DRG2: variants seen among roughly 807,000 people sequenced by gnomAD.
DRG2 encodes the protein developmentally regulated GTP binding protein 2, also known as developmentally-regulated GTP-binding protein 2.
In DRG2, 36 loss-of-function variants were observed where a neutral mutation model predicts 53.4. That is an observed-to-expected ratio of 0.67 (90% CI 0.52 to 0.89). DRG2 has a LOEUF of 0.89. Among genes scored for constraint, DRG2 ranks in the 40% least tolerant of loss-of-function variants. The probability of loss-of-function intolerance (pLI) is 0.00; values close to 1 mark genes in which losing one functional copy is unlikely to be tolerated. For synonymous variants in DRG2, 167 were observed against 192.1 expected, an observed-to-expected ratio of 0.87 and a Z score of 1.08; for missense variants, 342 against 481.2, an observed-to-expected ratio of 0.71 and a Z score of 2.71.
chr17:18,100,227 G>A lies in DRG2; in HGVS notation c.468-136G>A. 2 of 873,554 alleles carry A rather than the reference G, an allele frequency of 2.3e-6. No individual in the cohort carries two copies. The highest frequency in any genetic ancestry group is 3.8e-6 in the Non-Finnish European group (2 of 527,158). 54.1% of individuals were successfully genotyped at this position (873,554 alleles called of 1,614,324 possible). A position where few individuals can be genotyped will look rare whatever the true frequency, so the allele number is the denominator to read the frequency against. The stretch of plus-strand genomic sequence containing the variant: ...CAGCTCTAGGGCATTGGGAAGGAGT[G>A]TTCTCTGGGTTGCTGGGGAAGGGGG... On this transcript the variant is annotated intron_variant, in intron 5 of 12. Coordinates refer to ENST00000225729, the MANE Select transcript of DRG2 (RefSeq NM_001388.5). The surrounding 1 kb of genome is among the most constrained non-coding windows in gnomAD (Gnocchi z 4.1).
rs956028077 is a variant in DRG2, at chr17:18,107,873, T to G, written c.*633T>G. The G allele has an allele frequency of 6.6e-6, 1 of 152,606 alleles. No homozygotes were observed. The highest frequency in any genetic ancestry group is 2.4e-5 in the African/African-American group (1 of 41,484). 9.5% of individuals were successfully genotyped at this position (152,606 alleles called of 1,614,324 possible). On this transcript the variant is annotated 3_prime_UTR_variant, in exon 13 of 13. Coordinates refer to ENST00000225729, the MANE Select transcript of DRG2 (RefSeq NM_001388.5). ...GCACAAAACCCCAGGACCCTGGCTC[T>G]GCACGCCTGGGGCAGGGACTTTTGA... is the stretch of plus-strand genomic sequence containing the variant.
At position 18,099,597 on chromosome 17, in the gene DRG2, T is replaced by C. The variant is rs2142195684; in HGVS notation, c.377-36T>C. The C allele has an allele frequency of 6.3e-7, 1 of 1,575,308 alleles. No individual in the cohort carries two copies. The highest frequency in any genetic ancestry group is 2.3e-5 in the East Asian group (1 of 43,134). Reference sequence around the variant, plus strand: ...GTGGGCTGGGTAGCAGTCACATGGGTCCACATATGTAACTGCATCCCTCAC... The same window carrying C: ...GTGGGCTGGGTAGCAGTCACATGGGCCCACATATGTAACTGCATCCCTCAC... On this transcript the variant is annotated intron_variant, in intron 4 of 12. Coordinates refer to ENST00000225729, the MANE Select transcript of DRG2 (RefSeq NM_001388.5). The surrounding 1 kb of genome is among the most constrained non-coding windows in gnomAD (Gnocchi z 4.4).
At position 18,099,834 on chromosome 17, in the gene DRG2, G is replaced by A. The variant is rs1336826120; in HGVS notation, c.467+111G>A. 1 of 1,081,680 alleles carries A rather than the reference G, an allele frequency of 9.2e-7. No homozygotes were observed. The highest frequency in any genetic ancestry group is 1.4e-6 in the Non-Finnish European group (1 of 736,690). The allele number at this position is 1,081,680 out of a possible 1,614,324, so 67.0% of individuals were successfully genotyped here. A position where few individuals can be genotyped will look rare whatever the true frequency, so the allele number is the denominator to read the frequency against. On this transcript the variant is annotated intron_variant, in intron 5 of 12. Transcript: ENST00000225729. This position sits in a 1 kb window ranked among gnomAD's most constrained non-coding sequence, Gnocchi z 4.4. ...TTTGGCTCTCTCACACGTGAGAGTA[G>A]TGGTAGGACTTGTCACAGACTAAAC...
chr17:18,087,959 G>T lies in DRG2; in HGVS notation c.-65G>T, dbSNP rs546476425. On this transcript the variant is annotated 5_prime_UTR_variant, in exon 1 of 13. Transcript: ENST00000225729. ...TCCGGGCGCACGCTACTCTGTCGCC[G>T]CCGTCAGACCGGAATTGCCGGTGCC... 86 of 1,523,920 alleles carry T rather than the reference G, an allele frequency of 5.6e-5. No homozygotes were observed. The highest frequency in any genetic ancestry group is 6.5e-5 in the Non-Finnish European group (74 of 1,131,940). The allele number at this position is 1,523,920 out of a possible 1,614,324, so 94.4% of individuals were successfully genotyped here. A position where few individuals can be genotyped will look rare whatever the true frequency, so the allele number is the denominator to read the frequency against.
chr17:18,093,541 C>T (rs1335351803), intron 1 of DRG2, among the ~76,000 whole-genome samples: 1 of 152,192 alleles, frequency 6.6e-6, no homozygotes, highest in Non-Finnish European at 1.5e-5. Flanking sequence ...TGGTCTCGAA[C>T]TCCTGACCTC....
At chr17:18,105,698 C>G (rs1238106202) in intron 11 of DRG2, 1 of 152,410 alleles carries the variant, frequency 6.6e-6, no homozygotes, top group Non-Finnish European at 1.5e-5. Flanking sequence ...AGGAAGTGTT[C>G]CTGCAGGCCT....
rs2045510997 is a variant in DRG2, at chr17:18,100,424, A to G, written c.529A>G (p.Ile177Val). The G allele has an allele frequency of 6.2e-7, 1 of 1,614,198 alleles. No homozygotes were observed. The highest frequency in any genetic ancestry group is 8.5e-7 in the Non-Finnish European group (1 of 1,180,034). The change falls in exon 6 of 13, where the codon ATC becomes GTC. Residue 177 changes from isoleucine (I) to valine (V), a missense_variant. Coordinates refer to ENST00000225729, the MANE Select transcript of DRG2 (RefSeq NM_001388.5). The surrounding 1 kb of genome is among the most constrained non-coding windows in gnomAD (Gnocchi z 4.1). ...GIRLNKHKPN[I>V]YFKPKKGGGI... ...CCGCCTCAACAAGCACAAGCCTAAC[A>G]TCTACTTCAAGGTGAGGCACCTCTC...
rs2045504521 is a variant in DRG2, at chr17:18,100,162, A to G, written c.468-201A>G. On this transcript the variant is annotated intron_variant, in intron 5 of 12. Coordinates refer to ENST00000225729, the MANE Select transcript of DRG2 (RefSeq NM_001388.5). The surrounding 1 kb of genome is among the most constrained non-coding windows in gnomAD (Gnocchi z 4.1). ...GTGCATGCCGACCGTAAACCGGGCC[A>G]GTCCCCTCTGGGACTGTGGCAGAGT... The G allele has an allele frequency of 1.6e-6, 1 of 629,404 alleles. No homozygotes were observed. The highest frequency in any genetic ancestry group is 1.9e-5 in the South Asian group (1 of 51,888). 39.0% of individuals were successfully genotyped at this position (629,404 alleles called of 1,614,324 possible).
intron 1 of DRG2, 67 bp from the exon 2 acceptor site, chr17:18,093,746 G>T: frequency 1.9e-6 from 3 of 1,559,030 alleles, no homozygotes; most frequent in Non-Finnish European, 2.6e-6. Context: ...CGACATGTGG[G>T]CCCTGCCTGA....
intron 11 of DRG2, 126 bp from the exon 12 acceptor site, chr17:18,106,305 CTG>C (rs1439183631): frequency 3.0e-6 from 3 of 986,608 alleles, no homozygotes; most frequent in African/African-American, 1.6e-5. Flanking sequence ...AAGGCCCAGA[CTG>C]TGTGGGCACC....
intron 1 of DRG2, among the ~76,000 whole-genome samples, chr17:18,093,578 A>G (rs1387073266): frequency 6.6e-6 from 1 of 152,184 alleles, no homozygotes; most frequent in Non-Finnish European, 1.5e-5. Flanking sequence ...TCGGCCTCCC[A>G]AAGTGCTGGG....
intron 12 of DRG2, 79 bp from the exon 13 acceptor site, chr17:18,107,073 GAC>G (rs1418337698): frequency 9.0e-6 from 12 of 1,331,760 alleles, no homozygotes; most frequent in South Asian, 3.5e-5. Context: ...TACCCTTCAG[GAC>G]ACACACGCCC....
intron 2 of DRG2, chr17:18,097,464 G>A (rs2045452665): frequency 6.6e-6 from 1 of 152,394 alleles, no homozygotes; most frequent in African/African-American, 2.4e-5. Flanking sequence ...TGGGGCAGGA[G>A]GCATGGGGCT....
At position 18,107,450 on chromosome 17, in the gene DRG2, CTG is replaced by C. The variant is rs2045663332; in HGVS notation, c.*211_*212del. 5.0e-6 allele frequency: 3 copies of C among 597,008 alleles called. No homozygotes were observed. Among genetic ancestry groups the C allele is most frequent in the East Asian group, 2.8e-5 (1 of 35,470 alleles). 37.0% of individuals were successfully genotyped at this position (597,008 alleles called of 1,614,324 possible). ...TCGGTTGGAGGCATTTCCCATAAGACTGAGCCCTCTCATGGGGGTTTTGAGTT... is the reference window on the plus strand; with the variant it reads ...TCGGTTGGAGGCATTTCCCATAAGACAGCCCTCTCATGGGGGTTTTGAGTT... On this transcript the variant is annotated 3_prime_UTR_variant, in exon 13 of 13. Coordinates refer to ENST00000225729, the MANE Select transcript of DRG2 (RefSeq NM_001388.5).
intron 2 of DRG2, chr17:18,095,854 T>A (rs2045425984): frequency 6.6e-6 from 1 of 152,280 alleles, no homozygotes. Context: ...TCTGGCTTTA[T>A]GCAGATTTCC....
intron 1 of DRG2, among the ~76,000 whole-genome samples, chr17:18,089,053 G>A (rs542426702): frequency 6.6e-6 from 1 of 152,342 alleles, no homozygotes; most frequent in South Asian, 2.1e-4. Flanking sequence ...CTAGATAGCT[G>A]GTCCCAGTGT....
Position 18,099,841 on chromosome 17 carries a change from G to T in DRG2, c.467+118G>T. 1 of 1,035,376 alleles carries T rather than the reference G, an allele frequency of 9.7e-7. No homozygotes were observed. The allele number at this position is 1,035,376 out of a possible 1,614,324, so 64.1% of individuals were successfully genotyped here. ...CTCTCACACGTGAGAGTAGTGGTAG[G>T]ACTTGTCACAGACTAAACCCAACAC... is the stretch of plus-strand genomic sequence containing the variant. On this transcript the variant is annotated intron_variant, in intron 5 of 12. Transcript: ENST00000225729. The surrounding 1 kb of genome is among the most constrained non-coding windows in gnomAD (Gnocchi z 4.4).
chr17:18,089,962 A>G (rs986586201), intron 1 of DRG2, among the ~76,000 whole-genome samples: 2 of 152,066 alleles, frequency 1.3e-5, no homozygotes, highest in African/African-American at 4.8e-5. Context: ...GGGAGGGGCT[A>G]TTCTGACTTC....
At position 18,106,419 on chromosome 17, in the gene DRG2, C is replaced by A. The variant is rs1471029492; in HGVS notation, c.955-14C>A. The A allele has an allele frequency of 6.2e-7, 1 of 1,613,944 alleles. No homozygotes were observed. The highest frequency in any genetic ancestry group is 1.3e-5 in the African/African-American group (1 of 74,920). On this transcript the variant is annotated splice_polypyrimidine_tract_variant and intron_variant, in intron 11 of 12. Coordinates refer to ENST00000225729, the MANE Select transcript of DRG2 (RefSeq NM_001388.5). The stretch of plus-strand genomic sequence containing the variant: ...AAGCCTCACCTCTCTACCTGACTCT[C>A]TCCTGTCCTCCAGTGCCACCGCATC...
Sources: allele counts gnomAD v4.1 joint callset (sites outside exome capture counted in the v4.1 genomes callset), GRCh38; gene constraint gnomAD v4.1.1; non-coding constraint Gnocchi (gnomAD v3.1); transcripts MANE v1.5; gene names NCBI Gene and HGNC (gene_info 2026-07-23, HGNC 2026-07-21).